SYT14: variants seen among roughly 807,000 people sequenced by gnomAD.
SYT14 encodes synaptotagmin 14.
A neutral mutation model predicts 74.2 loss-of-function variants in SYT14; 32 were observed. The ratio of observed to expected loss-of-function variants is 0.43; its 90% CI spans 0.33 to 0.58. The LOEUF is 0.58. Among genes scored for constraint, SYT14 ranks in the 20% least tolerant of loss-of-function variants. The probability of loss-of-function intolerance (pLI) is 0.05; values close to 1 mark genes in which losing one functional copy is unlikely to be tolerated. For synonymous variants in SYT14, 298 were observed against 337.7 expected, an observed-to-expected ratio of 0.88 and a Z score of 1.29; for missense variants, 791 against 981.8, an observed-to-expected ratio of 0.81 and a Z score of 2.60.
chr1:210,129,077 A>G (rs189146893), intron 7 of SYT14, among the ~76,000 whole-genome samples: 17 of 152,326 alleles, frequency 1.1e-4, no homozygotes, highest in Non-Finnish European at 2.1e-4. Context: ...AAAAATATTA[A>G]GAAAAGTTTC....
chr1:210,020,817 ATTTT>A (rs538156784), intron 4 of SYT14, among the ~76,000 whole-genome samples: 2 of 152,048 alleles, frequency 1.3e-5, no homozygotes, highest in Admixed American at 6.6e-5. Context: ...AAAAAATTGT[ATTTT>A]TTTAAATCTG....
At chr1:210,169,318 T>C (rs923731663) in exon 10 of SYT14, 1 of 149,538 alleles carries the variant, frequency 6.7e-6, no homozygotes, top group African/African-American at 2.5e-5. Context: ...GGAAGTCTTT[T>C]TGGATAAATA....
chr1:210,083,893 C>T (rs187299051), intron 5 of SYT14, among the ~76,000 whole-genome samples: 353 of 152,122 alleles, frequency 2.3e-3, no homozygotes, highest in Non-Finnish European at 4.2e-3. Flanking sequence ...TTTGTAGAGA[C>T]GGAGTCTCAC....
chr1:210,052,555 C>T (rs2081017942), intron 5 of SYT14, among the ~76,000 whole-genome samples: 1 of 150,312 alleles, frequency 6.7e-6, no homozygotes, highest in African/African-American at 2.4e-5. Flanking sequence ...CCCAGCTACT[C>T]AGGAGGCTGA....
At chr1:210,164,303 CAATG>C (rs1336958367) in exon 10 of SYT14, 1 of 241,662 alleles carries the variant, frequency 4.1e-6, no homozygotes, top group Non-Finnish European at 8.3e-6. Flanking sequence ...AAAGAAAACC[CAATG>C]AGAAAATAAC....
At chr1:210,090,676 G>A (rs529406592) in intron 5 of SYT14, among the ~76,000 whole-genome samples, 2 of 152,126 alleles carry the variant, frequency 1.3e-5, no homozygotes, top group African/African-American at 4.8e-5. Context: ...GCATCATCAC[G>A]TGGTGTTTGA....
At chr1:210,121,635 A>C (rs1481308338) in intron 7 of SYT14, among the ~76,000 whole-genome samples, 2 of 152,014 alleles carry the variant, frequency 1.3e-5, no homozygotes, top group African/African-American at 4.8e-5. Flanking sequence ...TCTACTAAAA[A>C]TACAAAAAAT....
At chr1:210,157,039 A>C (rs2083283629) in intron 8 of SYT14, among the ~76,000 whole-genome samples, 1 of 152,132 alleles carries the variant, frequency 6.6e-6, no homozygotes, top group South Asian at 2.1e-4. Flanking sequence ...AATGCCGTAA[A>C]CTAAAAATTT....
At chr1:209,992,597 TGGTGA>T (rs2079712326) in intron 2 of SYT14, among the ~76,000 whole-genome samples, 1 of 152,172 alleles carries the variant, frequency 6.6e-6, no homozygotes, top group African/African-American at 2.4e-5. Context: ...ATACTTATTC[TGGTGA>T]TGGCTACGCT....
intron 2 of SYT14, among the ~76,000 whole-genome samples, chr1:209,981,118 C>T (rs1417920892): frequency 6.6e-6 from 1 of 152,156 alleles, no homozygotes; most frequent in African/African-American, 2.4e-5. Flanking sequence ...TTTCTGATTT[C>T]ATTGAGCAGT....
chr1:210,035,894 T>C (rs1472951237), intron 5 of SYT14, among the ~76,000 whole-genome samples: 1 of 152,096 alleles, frequency 6.6e-6, no homozygotes, highest in Non-Finnish European at 1.5e-5. Flanking sequence ...TTGGGCTTCT[T>C]GTTGGTTCTA....
intron 2 of SYT14, among the ~76,000 whole-genome samples, chr1:210,000,123 G>A (rs529306137): frequency 2.6e-5 from 4 of 151,996 alleles, no homozygotes; most frequent in South Asian, 2.1e-4. Context: ...TTTTGCTGTG[G>A]TGTATAAAGT....
At chr1:210,158,768 A>G (rs1267758616) in intron 8 of SYT14, among the ~76,000 whole-genome samples, 1 of 152,202 alleles carries the variant, frequency 6.6e-6, no homozygotes, top group African/African-American at 2.4e-5. Flanking sequence ...GTATAAGTCA[A>G]TTTAATTTTA....
intron 7 of SYT14, among the ~76,000 whole-genome samples, chr1:210,147,560 A>G (rs150687603): frequency 7.2e-5 from 11 of 152,336 alleles, no homozygotes; most frequent in Middle Eastern, 3.4e-3. Flanking sequence ...AAAGGCCAGA[A>G]GGCAGTGCAG....
chr1:209,959,771 AG>A (rs1171894303), intron 2 of SYT14, among the ~76,000 whole-genome samples: 1 of 152,120 alleles, frequency 6.6e-6, no homozygotes, highest in African/African-American at 2.4e-5. Context: ...GGGCTAGGGG[AG>A]GGGAGAATAG....
chr1:210,017,111 TA>T, intron 4 of SYT14: 1 of 1,227,922 alleles, frequency 8.1e-7, no homozygotes. Flanking sequence ...TGAGGTCTCC[TA>T]ATGTTGGTGT....
chr1:210,037,537 T>C (rs1177124679), intron 5 of SYT14, among the ~76,000 whole-genome samples: 2 of 151,566 alleles, frequency 1.3e-5, no homozygotes, highest in African/African-American at 4.8e-5. Flanking sequence ...CTGTTTTTTT[T>C]TTTTTTATTG....
intron 7 of SYT14, among the ~76,000 whole-genome samples, chr1:210,155,203 A>G (rs994378723): frequency 6.6e-6 from 1 of 152,226 alleles, no homozygotes; most frequent in Non-Finnish European, 1.5e-5. Flanking sequence ...ACCCTGACTG[A>G]TACTAATGTA....
At chr1:210,159,568 T>C (rs921970432) in intron 9 of SYT14, 91 bp downstream of exon 8, 2 of 1,155,316 alleles carry the variant, frequency 1.7e-6, no homozygotes, top group South Asian at 1.3e-5. Flanking sequence ...GTCCACCATG[T>C]TGGTTTCCAA....
Sources: allele counts gnomAD v4.1 joint callset (sites outside exome capture counted in the v4.1 genomes callset), GRCh38; gene constraint gnomAD v4.1.1; transcripts MANE v1.5; gene names NCBI Gene and HGNC (gene_info 2026-07-23, HGNC 2026-07-21).